PARD3: variants seen among roughly 807,000 people sequenced by gnomAD.
PARD3 encodes the protein par-3 family cell polarity regulator, also known as partitioning defective 3 homolog.
Under a neutral mutation model 155.4 loss-of-function variants are expected in PARD3, and 75 were observed. The observed-to-expected ratio is 0.48, with a 90% CI of 0.40 to 0.58. The LOEUF (loss-of-function observed/expected upper bound fraction) is 0.58. PARD3 is among the 20% of genes least tolerant of loss of function. PARD3 has a pLI of 0.00. For missense variants in PARD3, 1,642 were observed against 1,721.7 expected, an observed-to-expected ratio of 0.95 and a Z score of 0.82; for synonymous variants, 576 against 610.5, an observed-to-expected ratio of 0.94 and a Z score of 0.83.
intron 2 of PARD3, among the ~76,000 whole-genome samples, chr10:34,597,051 A>C (rs1034383861): frequency 6.6e-6 from 1 of 152,174 alleles, no homozygotes; most frequent in Non-Finnish European, 1.5e-5. Context: ...CTCCTATCAG[A>C]ATGGTCAAGG....
chr10:34,200,327 GA>G lies in PARD3; in HGVS notation c.3420-68745del, dbSNP rs939212016. ...TCCAACACCTCTTAAGCAATAACAG[GA>G]AAAAAAAAATCTTCGTTTTCCTGCA... On this transcript the variant is annotated intron_variant, in intron 22 of 24. Transcript: ENST00000374788. 2.8e-3 allele frequency among the ~76,000 whole-genome samples: 422 copies of G among 150,336 alleles called. 3 individuals carry two copies. Among genetic ancestry groups the G allele is most frequent in the Non-Finnish European group, 3.6e-3 (240 of 67,416 alleles).
intron 22 of PARD3, among the ~76,000 whole-genome samples, chr10:34,169,851 C>CCGCTG (rs1949706385): frequency 6.6e-6 from 1 of 152,160 alleles, no homozygotes; most frequent in African/African-American, 2.4e-5. Context: ...AGAATGATGG[C>CCGCTG]CACAGGGGGC....
intron 22 of PARD3, among the ~76,000 whole-genome samples, chr10:34,261,612 C>T (rs2133806769): frequency 6.6e-6 from 1 of 151,826 alleles, no homozygotes; most frequent in East Asian, 1.9e-4. Context: ...TTGCTTGAAC[C>T]CAGGAGGCTG....
chr10:34,629,412 G>T (rs747363948), intron 2 of PARD3, among the ~76,000 whole-genome samples: 2 of 132,104 alleles, frequency 1.5e-5, no homozygotes, highest in South Asian at 2.4e-4. Context: ...AGGCACAAAG[G>T]GGGGTATTTC....
chr10:34,782,415 G>C (rs569122447), intron 1 of PARD3, among the ~76,000 whole-genome samples: 1 of 152,182 alleles, frequency 6.6e-6, no homozygotes, highest in Non-Finnish European at 1.5e-5. Flanking sequence ...ACCAGCCTTA[G>C]GGCACATCAA....
chr10:34,534,591 G>C (rs1471246144), intron 2 of PARD3, among the ~76,000 whole-genome samples: 3 of 152,190 alleles, frequency 2.0e-5, no homozygotes, highest in East Asian at 1.9e-4. Flanking sequence ...AGGTCATTAT[G>C]AGCAAATGTG....
rs528810470 is a variant in PARD3, at chr10:34,153,032, AG to A, written c.3420-21450del. ...AATGCAGAAGTATAGGTCCCTGCCCAGGGCTACTTCAGCTTGGCTAATATTC... is the reference window on the plus strand; with the variant it reads ...AATGCAGAAGTATAGGTCCCTGCCCAGGCTACTTCAGCTTGGCTAATATTC... On this transcript the variant is annotated intron_variant, in intron 22 of 24. Transcript: ENST00000374788. Among the ~76,000 whole-genome samples the A allele has an allele frequency of 2.6e-5, 4 of 152,340 alleles. No homozygotes were observed. In the South Asian group the frequency reaches 8.3e-4, roughly 32 times the overall value.
At chr10:34,705,271 C>A (rs1012331547) in intron 1 of PARD3, among the ~76,000 whole-genome samples, 3 of 152,070 alleles carry the variant, frequency 2.0e-5, no homozygotes, top group African/African-American at 7.2e-5. Flanking sequence ...TCAAGACCAG[C>A]CTGGCCAATG....
At chr10:34,136,643 T>C (rs561560722) in intron 22 of PARD3, among the ~76,000 whole-genome samples, 2 of 152,290 alleles carry the variant, frequency 1.3e-5, no homozygotes, top group South Asian at 4.1e-4. Context: ...TTATAAACTC[T>C]GGTACAGGAG....
At chr10:34,342,953 T>C (rs1031547447) in intron 15 of PARD3, among the ~76,000 whole-genome samples, 2 of 152,188 alleles carry the variant, frequency 1.3e-5, no homozygotes, top group Non-Finnish European at 2.9e-5. Context: ...CTTATATAAA[T>C]GCTAATGATA....
chr10:34,179,910 C>T (rs1249550286), intron 22 of PARD3, among the ~76,000 whole-genome samples: 6 of 151,720 alleles, frequency 4.0e-5, no homozygotes, highest in African/African-American at 9.7e-5. Flanking sequence ...GGTTAAAATG[C>T]CTTATTTTTT....
At chr10:34,601,544 CA>C (rs1003247915) in intron 2 of PARD3, among the ~76,000 whole-genome samples, 2 of 152,126 alleles carry the variant, frequency 1.3e-5, no homozygotes, top group Non-Finnish European at 2.9e-5. Flanking sequence ...CATTATTTTT[CA>C]CATGGAAGTT....
chr10:34,237,664 A>G (rs1166594092), intron 22 of PARD3, among the ~76,000 whole-genome samples: 4 of 152,188 alleles, frequency 2.6e-5, no homozygotes, highest in Non-Finnish European at 5.9e-5. Context: ...TAACTCTGAA[A>G]TTTTGATTTA....
chr10:34,764,380 TG>T, intron 1 of PARD3, among the ~76,000 whole-genome samples: 1 of 152,278 alleles, frequency 6.6e-6, no homozygotes, highest in African/African-American at 2.4e-5. Context: ...GAATAAAAAA[TG>T]GTGGTTGGAA....
chr10:34,449,507 C>T (rs1008066448), intron 5 of PARD3, among the ~76,000 whole-genome samples: 8 of 149,454 alleles, frequency 5.4e-5, no homozygotes, highest in Admixed American at 1.3e-4. Context: ...CGCTAAATGA[C>T]GAGTTAATGG....
intron 22 of PARD3, among the ~76,000 whole-genome samples, chr10:34,218,390 A>C (rs1409453639): frequency 6.6e-6 from 1 of 152,204 alleles, no homozygotes; most frequent in East Asian, 1.9e-4. Context: ...ACCATGAAAA[A>C]ACAAGCTACA....
chr10:34,684,476 T>C (rs1056439146), intron 2 of PARD3, among the ~76,000 whole-genome samples: 1 of 152,044 alleles, frequency 6.6e-6, no homozygotes, highest in Non-Finnish European at 1.5e-5. Context: ...CTGAATGTAA[T>C]CTCCCATCCC....
intron 12 of PARD3, among the ~76,000 whole-genome samples, chr10:34,368,839 TAAAA>T (rs71033310): frequency 1.8e-5 from 2 of 108,614 alleles, no homozygotes; most frequent in South Asian, 3.4e-4. Context: ...ATGAGCAATG[TAAAA>T]AAAAAAAAAA....
intron 1 of PARD3, among the ~76,000 whole-genome samples, chr10:34,746,566 A>G (rs1254074426): frequency 1.3e-5 from 2 of 152,220 alleles, no homozygotes; most frequent in South Asian, 2.1e-4. Context: ...GCCCATAAGT[A>G]GCCCAAACTT....
Sources: gnomAD v4.1 joint callset for allele counts (sites outside exome capture counted in the v4.1 genomes callset) on GRCh38, gnomAD v4.1.1 for gene constraint, MANE v1.5 for transcripts, NCBI Gene and HGNC (gene_info 2026-07-23, HGNC 2026-07-21) for gene names.